The following CADM2 variants were observed in gnomAD, a reference collection of about 807,000 sequenced individuals.
CADM2 encodes the protein cell adhesion molecule 2.
In CADM2, 12 loss-of-function variants were observed where a neutral mutation model predicts 49.8. The observed-to-expected ratio is 0.24, with a 90% confidence interval of 0.15 to 0.39. The LOEUF is 0.39. Among genes scored for constraint, CADM2 ranks in the 10% least tolerant of loss-of-function variants. The probability of loss-of-function intolerance (pLI) is 1.00; values close to 1 mark genes in which losing one functional copy is unlikely to be tolerated. For missense variants in CADM2, 378 were observed against 492.3 expected, an observed-to-expected ratio of 0.77 and a Z score of 2.20; for synonymous variants, 214 against 175.4, an observed-to-expected ratio of 1.22 and a Z score of -1.74.
intron 1 of CADM2, among the ~76,000 whole-genome samples, chr3:85,275,764 C>CTA (rs942707956): frequency 6.6e-6 from 1 of 150,900 alleles, no homozygotes; most frequent in African/African-American, 2.4e-5. Context: ...TTGAAACCAA[C>CTA]TATATATATA....
At chr3:85,831,612 G>A (rs2074189999) in intron 3 of CADM2, among the ~76,000 whole-genome samples, 1 of 151,794 alleles carries the variant, frequency 6.6e-6, no homozygotes, top group African/African-American at 2.4e-5. Flanking sequence ...ATATATTTTT[G>A]GCCCCATGTA....
At chr3:85,649,269 A>G (rs1014588661) in intron 1 of CADM2, among the ~76,000 whole-genome samples, 1 of 151,990 alleles carries the variant, frequency 6.6e-6, no homozygotes, top group Non-Finnish European at 1.5e-5. Flanking sequence ...TTAAGAGTTT[A>G]TTTTGTTCAT....
At chr3:85,111,438 G>A (rs1301441554) in intron 1 of CADM2, among the ~76,000 whole-genome samples, 1 of 151,812 alleles carries the variant, frequency 6.6e-6, no homozygotes, top group Non-Finnish European at 1.5e-5. Context: ...TTACATGAGA[G>A]CTTTTAAGTA....
intron 3 of CADM2, among the ~76,000 whole-genome samples, chr3:85,828,236 C>T (rs2074015171): frequency 6.6e-6 from 1 of 151,896 alleles, no homozygotes; most frequent in Non-Finnish European, 1.5e-5. Flanking sequence ...TTCATATTTG[C>T]CATAATCCCA....
chr3:85,633,470 A>G (rs892697933), intron 1 of CADM2, among the ~76,000 whole-genome samples: 1 of 151,990 alleles, frequency 6.6e-6, no homozygotes, highest in African/African-American at 2.4e-5. Context: ...AATGGTGCTC[A>G]ATTTTACATA....
chr3:85,191,657 C>T (rs1008041183), intron 1 of CADM2, among the ~76,000 whole-genome samples: 1 of 152,092 alleles, frequency 6.6e-6, no homozygotes, highest in Non-Finnish European at 1.5e-5. Flanking sequence ...AGGGGATCCA[C>T]TATACATCCA....
chr3:85,021,153 AAG>A (rs1241713095), intron 1 of CADM2, among the ~76,000 whole-genome samples: 2 of 151,574 alleles, frequency 1.3e-5, no homozygotes, highest in African/African-American at 2.4e-5. Context: ...AAAAGAAAAA[AAG>A]AGAAGAAAAG....
chr3:85,661,658 G>T (rs2065408998), intron 1 of CADM2, among the ~76,000 whole-genome samples: 1 of 151,820 alleles, frequency 6.6e-6, no homozygotes, highest in Non-Finnish European at 1.5e-5. Context: ...TTTATATAAA[G>T]GGGAGAATTC....
intron 1 of CADM2, among the ~76,000 whole-genome samples, chr3:85,675,409 ATTG>A (rs982447302): frequency 2.0e-5 from 3 of 152,184 alleles, no homozygotes; most frequent in Admixed American, 6.5e-5. Flanking sequence ...AGAAAATGAT[ATTG>A]TTGTTCAATT....
chr3:85,017,170 G>A (rs1374025397), intron 1 of CADM2, among the ~76,000 whole-genome samples: 1 of 152,228 alleles, frequency 6.6e-6, no homozygotes, highest in Non-Finnish European at 1.5e-5. Flanking sequence ...TTGGGAAAAA[G>A]CAGATGGAGG....
intron 1 of CADM2, among the ~76,000 whole-genome samples, chr3:85,242,581 T>A (rs2107838871): frequency 6.6e-6 from 1 of 151,904 alleles, no homozygotes; most frequent in South Asian, 2.1e-4. Context: ...TAGGGATTCT[T>A]GCTTTTGGCT....
chr3:85,895,225 T>C (rs1372664793), intron 5 of CADM2, among the ~76,000 whole-genome samples: 2 of 152,200 alleles, frequency 1.3e-5, no homozygotes, highest in Non-Finnish European at 2.9e-5. Context: ...ACTTCTTGCA[T>C]CAGTGTGACC....
chr3:86,024,610 G>A (rs1733646325), intron 8 of CADM2, among the ~76,000 whole-genome samples: 1 of 152,080 alleles, frequency 6.6e-6, no homozygotes, highest in Non-Finnish European at 1.5e-5. Flanking sequence ...TGCATGTTCT[G>A]TAAATGATAC....
intron 1 of CADM2, among the ~76,000 whole-genome samples, chr3:85,307,567 T>C (rs1346571121): frequency 1.3e-5 from 2 of 151,820 alleles, no homozygotes; most frequent in Non-Finnish European, 3.0e-5. Flanking sequence ...TGCTGCAATT[T>C]ATTTCATTGT....
intron 1 of CADM2, among the ~76,000 whole-genome samples, chr3:85,170,189 CAGATTTTTTATTTACCT>C (rs2040583059): frequency 6.6e-6 from 1 of 152,114 alleles, no homozygotes; most frequent in African/African-American, 2.4e-5. Flanking sequence ...ATGTCTGGGT[CAGATTTTTTATTTACCT>C]AGAAATACAT....
intron 1 of CADM2, among the ~76,000 whole-genome samples, chr3:85,141,222 GT>G (rs1160873120): frequency 6.6e-6 from 1 of 152,140 alleles, no homozygotes; most frequent in Non-Finnish European, 1.5e-5. Context: ...GAATACCTGG[GT>G]TTAAATCTTA....
intron 1 of CADM2, among the ~76,000 whole-genome samples, chr3:85,701,075 T>C (rs557603893): frequency 3.9e-5 from 6 of 152,282 alleles, no homozygotes; most frequent in Non-Finnish European, 8.8e-5. Flanking sequence ...AAGTGGCTTC[T>C]ACTTCAATGG....
intron 3 of CADM2, among the ~76,000 whole-genome samples, chr3:85,814,500 A>C (rs764439112): frequency 6.6e-6 from 1 of 152,148 alleles, no homozygotes; most frequent in Non-Finnish European, 1.5e-5. Context: ...AACTAGCAGA[A>C]GACAAAAAAG....
At chr3:85,314,568 T>C (rs2044421823) in intron 1 of CADM2, among the ~76,000 whole-genome samples, 1 of 152,188 alleles carries the variant, frequency 6.6e-6, no homozygotes. Context: ...GAAACATGTG[T>C]AAATAATCTG....
Sources: gnomAD v4.1 joint callset for allele counts (sites outside exome capture counted in the v4.1 genomes callset) on GRCh38, gnomAD v4.1.1 for gene constraint, MANE v1.5 for transcripts, NCBI Gene and HGNC (gene_info 2026-07-23, HGNC 2026-07-21) for gene names.